The following SPATS1 variants were observed in gnomAD, a reference collection of about 807,000 sequenced individuals.
SPATS1 encodes the protein spermatogenesis-associated serine-rich protein 1.
In SPATS1, 23 loss-of-function variants were observed where a neutral mutation model predicts 33.6. The observed-to-expected ratio is 0.68, with a 90% CI of 0.49 to 0.97. The LOEUF (loss-of-function observed/expected upper bound fraction) is 0.97, where lower values mean the gene tolerates loss of function less well. SPATS1 is among the 50% of genes least tolerant of loss of function. The pLI is 0.00. For synonymous variants in SPATS1, 131 were observed against 125.6 expected (o/e 1.04, Z -0.29); for missense variants, 327 against 361.0 (o/e 0.91, Z 0.76).
chr6:44,346,011 C>T (rs527448272), intron 2 of SPATS1, among the ~76,000 whole-genome samples: 4 of 152,074 alleles, frequency 2.6e-5, no homozygotes, highest in Non-Finnish European at 4.4e-5. Flanking sequence ...GATGGGGCCA[C>T]GTACAGTGTC....
intron 3 of SPATS1, among the ~76,000 whole-genome samples, chr6:44,358,708 C>G (rs1160647135): frequency 6.6e-6 from 1 of 152,052 alleles, no homozygotes; most frequent in Non-Finnish European, 1.5e-5. Context: ...GCAATCATCC[C>G]CCTGCAGCCC....
At chr6:44,354,515 C>A (rs545483816) in intron 3 of SPATS1, among the ~76,000 whole-genome samples, 2 of 151,902 alleles carry the variant, frequency 1.3e-5, no homozygotes, top group African/African-American at 4.8e-5. Flanking sequence ...TTTTGTAAAA[C>A]CTACTTTTTA....
chr6:44,353,935 G>A (rs1788396681), intron 3 of SPATS1, among the ~76,000 whole-genome samples: 1 of 151,612 alleles, frequency 6.6e-6, no homozygotes, highest in African/African-American at 2.4e-5. Context: ...TATTCGGGAG[G>A]CTGAGGCAGG....
In SPATS1 at chr6:44,361,851, T is replaced by A. The variant is rs1788943192; in HGVS notation, c.433T>A (p.Trp145Arg). The A allele has an allele frequency of 6.2e-7, 1 of 1,614,176 alleles. No homozygotes were observed. The highest frequency in any genetic ancestry group is 2.2e-5 in the East Asian group (1 of 44,886). The change falls in exon 5 of 9, where the codon TGG (tryptophan) becomes AGG (arginine). Residue 145 changes from tryptophan to arginine, a missense_variant. Trp to Arg is a moderately radical substitution (Grantham distance 101, BLOSUM62 -3). Coordinates refer to ENST00000674044, the MANE Select transcript of SPATS1 (RefSeq NM_001372081.1). ...TGCAGAAGATGGGCATCGTCCTGAG[T>A]GGACATTTTACCCAAGGTTTAGCAG... ...LQTKDGHRPE[W>R]TFYPRFSSNI...
At chr6:44,375,167 C>G (rs1174661807) in intron 7 of SPATS1, among the ~76,000 whole-genome samples, 2 of 152,164 alleles carry the variant, frequency 1.3e-5, no homozygotes, top group Non-Finnish European at 2.9e-5. Flanking sequence ...CAGCAGAAAA[C>G]AGAAAGCACA....
intron 7 of SPATS1, among the ~76,000 whole-genome samples, chr6:44,373,004 G>A (rs967687418): frequency 1.3e-5 from 2 of 152,140 alleles, no homozygotes; most frequent in African/African-American, 4.8e-5. Flanking sequence ...CCCTTTGTGA[G>A]CCCATTCAGT....
chr6:44,343,965 TC>T (rs2153364123), intron 2 of SPATS1, among the ~76,000 whole-genome samples: 1 of 151,166 alleles, frequency 6.6e-6, no homozygotes, highest in Admixed American at 6.7e-5. Flanking sequence ...TGTGATCTCC[TC>T]ATTCTCCTTC....
intron 7 of SPATS1, among the ~76,000 whole-genome samples, chr6:44,372,560 C>G (rs772265609): frequency 6.6e-6 from 1 of 152,024 alleles, no homozygotes. Context: ...CCCCTAGGTT[C>G]AAGGGATTCT....
chr6:44,361,775 A>C, intron 4 of SPATS1, 56 bp from the exon 5 acceptor site: 1 of 1,607,734 alleles, frequency 6.2e-7, no homozygotes, highest in African/African-American at 1.3e-5. Context: ...TTTGTCATCC[A>C]GTTGCATTAT....
At chr6:44,346,606 A>G (rs1025779639) in intron 2 of SPATS1, among the ~76,000 whole-genome samples, 1 of 151,172 alleles carries the variant, frequency 6.6e-6, no homozygotes, top group Non-Finnish European at 1.5e-5. Flanking sequence ...CTGGTCTTGA[A>G]CTCCTAGCTT....
chr6:44,349,540 T>G (rs187646835), intron 2 of SPATS1, among the ~76,000 whole-genome samples: 1 of 152,170 alleles, frequency 6.6e-6, no homozygotes, highest in African/African-American at 2.4e-5. Flanking sequence ...ATTAAAAGAA[T>G]GCATCAATAA....
intron 2 of SPATS1, 76 bp downstream of exon 2, chr6:44,343,310 TG>T: frequency 3.5e-6 from 5 of 1,411,380 alleles, no homozygotes; most frequent in East Asian, 5.3e-5. Flanking sequence ...CGGGGGCAGG[TG>T]GGGGGCACCA....
At chr6:44,351,124 A>T in intron 2 of SPATS1, among the ~76,000 whole-genome samples, 1 of 48,330 alleles carries the variant, frequency 2.1e-5, no homozygotes, top group Admixed American at 2.3e-4. Context: ...CTCTGTGTCA[A>T]AAAAAAAAAA....
chr6:44,375,761 G>A (rs994025294), intron 7 of SPATS1, among the ~76,000 whole-genome samples: 6 of 151,842 alleles, frequency 4.0e-5, no homozygotes, highest in African/African-American at 1.5e-4. Context: ...AGTGAGCAGA[G>A]ATCGCACTCC....
intron 2 of SPATS1, among the ~76,000 whole-genome samples, chr6:44,350,563 G>GAGT (rs1212053983): frequency 6.6e-6 from 1 of 152,204 alleles, no homozygotes; most frequent in Non-Finnish European, 1.5e-5. Context: ...TGAAGGGAGG[G>GAGT]AGTAGCTCAG....
intron 2 of SPATS1, among the ~76,000 whole-genome samples, chr6:44,347,335 G>T (rs1787955286): frequency 6.7e-6 from 1 of 150,210 alleles, no homozygotes; most frequent in South Asian, 2.1e-4. Context: ...TAACAAACCT[G>T]TACGTTTTAC....
intron 3 of SPATS1, among the ~76,000 whole-genome samples, chr6:44,356,200 A>T (rs1246074101): frequency 6.6e-6 from 1 of 152,160 alleles, no homozygotes; most frequent in Non-Finnish European, 1.5e-5. Flanking sequence ...GTATTCATAC[A>T]GCTCCAAAGG....
chr6:44,359,820 T>C (rs750287217), intron 3 of SPATS1, among the ~76,000 whole-genome samples: 1 of 152,186 alleles, frequency 6.6e-6, no homozygotes, highest in Admixed American at 6.5e-5. Flanking sequence ...TCCACCTGCC[T>C]CAGCGTTCCA....
intron 2 of SPATS1, among the ~76,000 whole-genome samples, chr6:44,349,464 A>C (rs924759981): frequency 1.2e-4 from 18 of 152,130 alleles, no homozygotes; most frequent in Non-Finnish European, 8.8e-5. Context: ...TAACCAGTCT[A>C]TTGTGCTTAT....
Sources: gnomAD v4.1 joint callset for allele counts (sites outside exome capture counted in the v4.1 genomes callset) on GRCh38, gnomAD v4.1.1 for gene constraint, MANE v1.5 for transcripts, NCBI Gene and HGNC (gene_info 2026-07-23, HGNC 2026-07-21) for gene names.